The following GRK7 variants were observed in gnomAD, a reference collection of about 807,000 sequenced individuals.
GRK7 encodes the protein rhodopsin kinase GRK7.
GRK7 carries 24 observed loss-of-function variants against 34.1 expected under a neutral mutation model. The ratio of observed to expected loss-of-function variants is 0.70; its 90% confidence interval spans 0.51 to 0.99. GRK7 has a LOEUF of 0.99. Among genes scored for constraint, GRK7 ranks in the 50% least tolerant of loss-of-function variants. The probability of loss-of-function intolerance (pLI) is 0.00; values close to 1 mark genes in which losing one functional copy is unlikely to be tolerated. For missense variants in GRK7, 644 were observed against 707.3 expected (o/e 0.91, Z 1.02); for synonymous variants, 256 against 279.4 (o/e 0.92, Z 0.84).
chr3:141,782,161 A>C (rs934226077), intron 4 of GRK7, among the ~76,000 whole-genome samples: 1 of 152,204 alleles, frequency 6.6e-6, no homozygotes, highest in African/African-American at 2.4e-5. Context: ...TTTCTGTCTT[A>C]AAAAGACCAA....
At chr3:141,812,226 A>G (rs1333457276) in intron 5 of GRK7, among the ~76,000 whole-genome samples, 1 of 152,148 alleles carries the variant, frequency 6.6e-6, no homozygotes, top group African/African-American at 2.4e-5. Flanking sequence ...GCTCTGAAAT[A>G]TATTCCACTC....
At chr3:141,802,179 C>T (rs1487181749) in intron 4 of GRK7, among the ~76,000 whole-genome samples, 1 of 151,892 alleles carries the variant, frequency 6.6e-6, no homozygotes, top group Non-Finnish European at 1.5e-5. Context: ...AGAGAGAGAC[C>T]CCGTCTGTAC....
At chr3:141,809,726 AG>A (rs1359841433) in intron 5 of GRK7, among the ~76,000 whole-genome samples, 1 of 152,160 alleles carries the variant, frequency 6.6e-6, no homozygotes, top group Non-Finnish European at 1.5e-5. Context: ...GAAGAAAAAA[AG>A]ACGTAAAAGT....
chr3:141,784,704 T>C (rs1231059006), intron 4 of GRK7, among the ~76,000 whole-genome samples: 2 of 152,182 alleles, frequency 1.3e-5, no homozygotes, highest in African/African-American at 2.4e-5. Flanking sequence ...GTCAAGATAC[T>C]GTGTTAGAGA....
chr3:141,803,876 T>C (rs1326182027), intron 4 of GRK7, among the ~76,000 whole-genome samples: 5 of 151,108 alleles, frequency 3.3e-5, no homozygotes, highest in African/African-American at 1.2e-4. Flanking sequence ...CACGCCCAGC[T>C]ATTTTTTGTA....
chr3:141,789,529 G>A (rs1225691613), intron 4 of GRK7, among the ~76,000 whole-genome samples: 1 of 152,134 alleles, frequency 6.6e-6, no homozygotes, highest in Non-Finnish European at 1.5e-5. Flanking sequence ...GCCGAGACTA[G>A]ATCACTGCCT....
chr3:141,812,453 G>C (rs1173070810), intron 5 of GRK7, among the ~76,000 whole-genome samples: 1 of 152,214 alleles, frequency 6.6e-6, no homozygotes, highest in Non-Finnish European at 1.5e-5. Context: ...AAAGATCAAA[G>C]ACATCATTTT....
At position 141,780,742 on chromosome 3, in the gene GRK7, C is replaced by T. The variant is rs554262452; in HGVS notation, c.981C>T (p.Leu327=). 1.4e-5 allele frequency: 23 copies of T among 1,614,144 alleles called. No homozygotes were observed. Among genetic ancestry groups the T allele is most frequent in the African/African-American group, 1.1e-4 (8 of 75,050 alleles). Residue 327 remains leucine (L), a synonymous_variant, in exon 4 of 6, where the codon CTC becomes CTT. Coordinates refer to ENST00000682958, the MANE Select transcript of GRK7 (RefSeq NM_139209.3). ...MKPENVLLDD[L]GNCRLSDLGL... is the part of the protein sequence containing the mutation. Reference sequence around the variant, plus strand: ...CTGAGAATGTGCTTCTGGATGACCTCGGCAACTGCAGGTTATCTGACCTGG... The same window carrying T: ...CTGAGAATGTGCTTCTGGATGACCTTGGCAACTGCAGGTTATCTGACCTGG...
chr3:141,763,275 A>C (rs1487706345), upstream of GRK7, among the ~76,000 whole-genome samples: 2 of 151,860 alleles, frequency 1.3e-5, no homozygotes, highest in African/African-American at 4.8e-5. Context: ...CCAGAACTGA[A>C]GTTTTGTGAG....
chr3:141,778,959 G>C lies in GRK7; in HGVS notation c.612+63G>C, dbSNP rs2084656916. On this transcript the variant is annotated intron_variant, in intron 3 of 5. Transcript: ENST00000682958. The surrounding 1 kb of genome is among the most constrained non-coding windows in gnomAD (Gnocchi z 4.1). ...ATAGAGCATGAAAGGGGGTAATGTT[G>C]CCTTTCTTTTTTTAAATCTCAGTTA... is the stretch of plus-strand genomic sequence containing the variant. 2 of 1,458,288 alleles carry C rather than the reference G, an allele frequency of 1.4e-6. No individual in the cohort carries two copies. Among genetic ancestry groups the C allele is most frequent in the Non-Finnish European group, 1.9e-6 (2 of 1,080,992 alleles). The allele number at this position is 1,458,288 out of a possible 1,614,324, so 90.3% of individuals were successfully genotyped here.
chr3:141,775,937 C>T (rs1295382209), intron 2 of GRK7, among the ~76,000 whole-genome samples: 1 of 152,076 alleles, frequency 6.6e-6, no homozygotes, highest in Non-Finnish European at 1.5e-5. Flanking sequence ...CAGTTCATAG[C>T]ATACGTGTTT....
intron 5 of GRK7, among the ~76,000 whole-genome samples, chr3:141,810,273 T>G (rs921550090): frequency 1.3e-5 from 2 of 148,262 alleles, no homozygotes; most frequent in African/African-American, 5.1e-5. Flanking sequence ...TTTCTCTCTC[T>G]CCCCCCTCTT....
intron 4 of GRK7, among the ~76,000 whole-genome samples, chr3:141,798,950 C>G (rs1710921969): frequency 6.6e-6 from 1 of 152,168 alleles, no homozygotes; most frequent in African/African-American, 2.4e-5. Flanking sequence ...TGCACGCTGT[C>G]TCATGCTCTT....
chr3:141,819,156 AC>A lies in GRK7; in HGVS notation c.*2107del, dbSNP rs1559850483. 6.6e-6 allele frequency among the ~76,000 whole-genome samples: 1 copy of A among 152,140 alleles called. No homozygotes were observed. The highest frequency in any genetic ancestry group is 1.5e-5 in the Non-Finnish European group (1 of 68,016). On this transcript the variant is annotated 3_prime_UTR_variant, in exon 6 of 6. Coordinates refer to ENST00000682958, the MANE Select transcript of GRK7 (RefSeq NM_139209.3). ...TAACAGAAATCCAATTAACCAGAGC[AC>A]TCCAATGGTAGAGTTCTCAGGATTG...
chr3:141,778,322 A>G lies in GRK7; in HGVS notation c.38A>G (p.Asn13Ser), dbSNP rs563165279. 2.5e-5 allele frequency: 40 copies of G among 1,596,160 alleles called. No individual in the cohort carries two copies. Among genetic ancestry groups the G allele is most frequent in the Non-Finnish European group, 3.3e-5 (38 of 1,169,094 alleles). Residue 13 changes from asparagine to serine, a missense_variant, in exon 3 of 6, where the codon AAC becomes AGC. Physicochemically the swap from Asn to Ser is conservative, Grantham distance 46 (BLOSUM62 1). Transcript: ENST00000682958. This position sits in a 1 kb window ranked among gnomAD's most constrained non-coding sequence, Gnocchi z 4.1. Reference protein sequence around the residue: ...DMGALDNLIANTAYLQARKPS... With the variant: ...DMGALDNLIASTAYLQARKPS... ...GGGGCCCTGGACAACCTGATCGCCAACACCGCCTACCTGCAGGCCCGGAAG... is the reference window on the plus strand; with the variant it reads ...GGGGCCCTGGACAACCTGATCGCCAGCACCGCCTACCTGCAGGCCCGGAAG...
At chr3:141,793,609 T>A (rs1180451108) in intron 4 of GRK7, among the ~76,000 whole-genome samples, 1 of 152,056 alleles carries the variant, frequency 6.6e-6, no homozygotes, top group Non-Finnish European at 1.5e-5. Context: ...TTGGCCCAAA[T>A]TGAGGTGGGG....
intron 4 of GRK7, among the ~76,000 whole-genome samples, chr3:141,803,135 A>T (rs1335910940): frequency 1.3e-5 from 2 of 152,120 alleles, no homozygotes; most frequent in African/African-American, 4.8e-5. Context: ...CCATGCATTT[A>T]AAGTGTACTG....
chr3:141,807,927 A>G lies in GRK7; in HGVS notation c.1325+8A>G. 1 of 1,564,476 alleles carries G rather than the reference A, an allele frequency of 6.4e-7. No individual in the cohort carries two copies. The highest frequency in any genetic ancestry group is 1.2e-5 in the South Asian group (1 of 81,714). ...GCAACGCTTAGGAAGCAGGTAAACTAGCATGTAACAGAGAGGATTGCTGAC... is the reference window on the plus strand; with the variant it reads ...GCAACGCTTAGGAAGCAGGTAAACTGGCATGTAACAGAGAGGATTGCTGAC... On this transcript the variant is annotated splice_region_variant and intron_variant, in intron 5 of 5. Coordinates refer to ENST00000682958, the MANE Select transcript of GRK7 (RefSeq NM_139209.3).
rs1434266506 is a variant in GRK7 at position 141,764,816 on chromosome 3, C to A, written c.-1137C>A. Among the ~76,000 whole-genome samples the A allele has an allele frequency of 6.6e-6, 1 of 152,158 alleles. No individual in the cohort carries two copies. The highest frequency in any genetic ancestry group is 2.4e-5 in the African/African-American group (1 of 41,436). On this transcript the variant is annotated 5_prime_UTR_variant, in exon 1 of 6. Coordinates refer to ENST00000682958, the MANE Select transcript of GRK7 (RefSeq NM_139209.3). ...AGCTCTTGATCTTCCCCACACCCTGCTCCTCCAGAGGATTTCCCACCCTGT... is the reference window on the plus strand; with the variant it reads ...AGCTCTTGATCTTCCCCACACCCTGATCCTCCAGAGGATTTCCCACCCTGT...
Sources: allele counts gnomAD v4.1 joint callset (sites outside exome capture counted in the v4.1 genomes callset), GRCh38; gene constraint gnomAD v4.1.1; non-coding constraint Gnocchi (gnomAD v3.1); transcripts MANE v1.5; gene names NCBI Gene and HGNC (gene_info 2026-07-23, HGNC 2026-07-21).